The following COL22A1 variants were observed in gnomAD, a reference collection of about 807,000 sequenced individuals.
The protein encoded by COL22A1 is collagen type XXII alpha 1 chain, also known as collagen alpha-1(XXII) chain.
Under a neutral mutation model 248.9 loss-of-function variants are expected in COL22A1, and 221 were observed. The ratio of observed to expected loss-of-function variants is 0.89; its 90% confidence interval spans 0.80 to 0.99. The LOEUF is 0.99. COL22A1 is among the 50% of genes least tolerant of loss of function. COL22A1 has a pLI of 0.00. For synonymous variants in COL22A1, 891 were observed against 793.4 expected (o/e 1.12, Z -2.07); for missense variants, 2,240 against 2,179.0 (o/e 1.03, Z -0.56).
intron 30 of COL22A1, among the ~76,000 whole-genome samples, chr8:138,710,199 G>A (rs1017317814): frequency 5.9e-5 from 9 of 152,208 alleles, no homozygotes; most frequent in African/African-American, 1.9e-4. Context: ...GGAGTACGGT[G>A]TTATTACATT....
intron 3 of COL22A1, among the ~76,000 whole-genome samples, chr8:138,871,065 G>A (rs1165812031): frequency 1.3e-5 from 2 of 152,012 alleles, no homozygotes; most frequent in Non-Finnish European, 2.9e-5. Flanking sequence ...GCCACCAGCA[G>A]GGCCATGCCC....
chr8:138,782,775 G>A (rs536598979), intron 12 of COL22A1, among the ~76,000 whole-genome samples: 1,598 of 152,302 alleles, frequency 0.01, 29 homozygotes, highest in African/African-American at 0.036. Context: ...ACAGAATTGG[G>A]CTTCCTGGTA....
intron 41 of COL22A1, among the ~76,000 whole-genome samples, chr8:138,670,541 G>A (rs750673537): frequency 6.6e-6 from 1 of 152,182 alleles, no homozygotes; most frequent in Non-Finnish European, 1.5e-5. Flanking sequence ...GACAGCGTCA[G>A]TGGCTTTGGT....
intron 51 of COL22A1, among the ~76,000 whole-genome samples, chr8:138,624,419 CA>C (rs2131963187): frequency 6.6e-6 from 1 of 151,676 alleles, no homozygotes; most frequent in African/African-American, 2.4e-5. Flanking sequence ...AGCCTAAGGA[CA>C]ACAGTGAGCA....
intron 3 of COL22A1, among the ~76,000 whole-genome samples, chr8:138,860,681 A>G (rs1344990298): frequency 2.0e-5 from 3 of 152,098 alleles, no homozygotes; most frequent in African/African-American, 7.2e-5. Flanking sequence ...GGTGGTTCAC[A>G]CCTGTAGTCC....
At chr8:138,731,642 G>GGCCT (rs1317989323) in intron 23 of COL22A1, among the ~76,000 whole-genome samples, 3 of 151,236 alleles carry the variant, frequency 2.0e-5, no homozygotes, top group African/African-American at 7.4e-5. Flanking sequence ...AAAGTCTACA[G>GGCCT]GGCCTGAGAG....
At chr8:138,870,484 T>C (rs1448117628) in intron 3 of COL22A1, among the ~76,000 whole-genome samples, 1 of 148,822 alleles carries the variant, frequency 6.7e-6, no homozygotes, top group African/African-American at 2.5e-5. Flanking sequence ...GTATGTGGAG[T>C]GTGTGCACGT....
chr8:138,813,043 G>T lies in COL22A1; in HGVS notation c.1246-24C>A, dbSNP rs747860226. The T allele has an allele frequency of 3.1e-6, 5 of 1,601,288 alleles. No individual in the cohort carries two copies. In the Admixed American group the frequency reaches 6.7e-5, roughly 21 times the overall value. ...AACTGGAAAGGAAAGCAAGGAGAGA[G>T]GATAAGTTTTAGGGACTTTGGAACC... On this transcript the variant is annotated intron_variant, in intron 7 of 64. Coordinates refer to ENST00000303045, the MANE Select transcript of COL22A1 (RefSeq NM_152888.3).
Position 138,760,316 on chromosome 8 carries a change from T to C in COL22A1, c.1858-29A>G, listed in dbSNP as rs777552575. On this transcript the variant is annotated intron_variant, in intron 17 of 64. Coordinates refer to ENST00000303045, the MANE Select transcript of COL22A1 (RefSeq NM_152888.3). The stretch of plus-strand genomic sequence containing the variant: ...GAGGAAAGAAAGAAAAGGCAGATTA[T>C]GATGGGCACTACGGATACGGTGGTG... The C allele has an allele frequency of 1.9e-6, 3 of 1,591,332 alleles. No homozygotes were observed. In the South Asian group the frequency reaches 3.4e-5, roughly 18 times the overall value.
At chr8:138,663,401 A>G (rs1388858555) in intron 42 of COL22A1, among the ~76,000 whole-genome samples, 1 of 152,206 alleles carries the variant, frequency 6.6e-6, no homozygotes, top group East Asian at 1.9e-4. Flanking sequence ...TTAGTTCTTC[A>G]GGCAATTTGG....
chr8:138,772,285 G>C (rs1043840949), intron 16 of COL22A1, among the ~76,000 whole-genome samples: 1 of 152,244 alleles, frequency 6.6e-6, no homozygotes, highest in Non-Finnish European at 1.5e-5. Flanking sequence ...AAGACCCAGA[G>C]GTGAATAAGG....
intron 3 of COL22A1, among the ~76,000 whole-genome samples, chr8:138,846,653 A>C (rs1438056443): frequency 6.6e-6 from 1 of 152,104 alleles, no homozygotes; most frequent in Non-Finnish European, 1.5e-5. Context: ...CTGCTTGGCA[A>C]GGAGGTAGGG....
intron 36 of COL22A1, among the ~76,000 whole-genome samples, chr8:138,689,896 T>C (rs1270736026): frequency 1.3e-5 from 2 of 152,096 alleles, no homozygotes; most frequent in African/African-American, 4.8e-5. Flanking sequence ...TGGCCACCCA[T>C]CACGTGGCTC....
At chr8:138,724,334 T>A (rs1196081386) in intron 25 of COL22A1, among the ~76,000 whole-genome samples, 1 of 152,212 alleles carries the variant, frequency 6.6e-6, no homozygotes, top group Non-Finnish European at 1.5e-5. Context: ...CTCTTGAATG[T>A]GTCTTTTGGT....
rs1175374739 is a variant in COL22A1, at chr8:138,694,969, C to T, written c.2593-90G>A. 6.4e-6 allele frequency: 8 copies of T among 1,249,292 alleles called. No individual in the cohort carries two copies. The East Asian group carries it at 1.2e-4, about 19-fold the overall frequency. The allele number at this position is 1,249,292 out of a possible 1,614,324, so 77.4% of individuals were successfully genotyped here. ...TGTCCCCAGCTCCGGACACACAGGC[C>T]ACCTCCAGTCCTGTGTATCACCTGA... On this transcript the variant is annotated intron_variant, in intron 32 of 64. Transcript: ENST00000303045.
chr8:138,710,599 C>T (rs13274452), intron 30 of COL22A1, among the ~76,000 whole-genome samples: 1 of 98,966 alleles, frequency 1.0e-5, no homozygotes, highest in Non-Finnish European at 2.2e-5. Flanking sequence ...ATCTATCTAT[C>T]TATCTATCTA....
rs531833102 is a variant in COL22A1, at chr8:138,733,510, A to C, written c.2139+4014T>G. Among the ~76,000 whole-genome samples the C allele has an allele frequency of 1.8e-4, 27 of 152,330 alleles. No individual in the cohort carries two copies. The South Asian group carries it at 5.6e-3, about 32-fold the overall frequency. ...AGCAATTTTGCTCACAGGCAGTTATAAAGAATAGACACGATTATATATGAA... is the reference window on the plus strand; with the variant it reads ...AGCAATTTTGCTCACAGGCAGTTATCAAGAATAGACACGATTATATATGAA... On this transcript the variant is annotated intron_variant, in intron 23 of 64. Transcript: ENST00000303045.
intron 2 of COL22A1, among the ~76,000 whole-genome samples, chr8:138,879,835 T>TGTAAA (rs1824047828): frequency 3.5e-5 from 2 of 56,918 alleles, no homozygotes; most frequent in African/African-American, 1.6e-4. Flanking sequence ...AACATTTGGC[T>TGTAAA]ATAAAACAAA....
intron 40 of COL22A1, among the ~76,000 whole-genome samples, chr8:138,676,922 T>C (rs1482852924): frequency 1.3e-5 from 2 of 152,220 alleles, no homozygotes; most frequent in Non-Finnish European, 2.9e-5. Flanking sequence ...CCTCCCCATG[T>C]GAGCATTGTC....
Sources: allele counts gnomAD v4.1 joint callset (sites outside exome capture counted in the v4.1 genomes callset), GRCh38; gene constraint gnomAD v4.1.1; transcripts MANE v1.5; gene names NCBI Gene and HGNC (gene_info 2026-07-23, HGNC 2026-07-21).